The following MSH3 variants were observed in gnomAD, a reference collection of about 807,000 sequenced individuals.
MSH3 encodes DNA mismatch repair protein Msh3.
MSH3 carries 106 observed loss-of-function variants against 123.3 expected under a neutral mutation model. The observed-to-expected ratio is 0.86, with a 90% CI of 0.73 to 1.01. The LOEUF (loss-of-function observed/expected upper bound fraction) is 1.01, where lower values mean the gene tolerates loss of function less well. Ranked by LOEUF, MSH3 falls within the 50% of genes least tolerant of loss-of-function variation. The probability of loss-of-function intolerance (pLI) is 0.00; values close to 1 mark genes in which losing one functional copy is unlikely to be tolerated. For missense variants in MSH3, 1,459 were observed against 1,347.6 expected (o/e 1.08, Z -1.29); for synonymous variants, 515 against 481.4 (o/e 1.07, Z -0.91).
chr5:80,725,875 G>T lies in MSH3; in HGVS notation c.1453+310G>T, dbSNP rs148548133. 2.0e-3 allele frequency among the ~76,000 whole-genome samples: 305 copies of T among 152,252 alleles called. 2 individuals carry two copies. The highest frequency in any genetic ancestry group is 7.0e-3 in the African/African-American group (289 of 41,562). On this transcript the variant is annotated intron_variant, in intron 9 of 23. Coordinates refer to ENST00000265081, the MANE Select transcript of MSH3 (RefSeq NM_002439.5). Reference sequence around the variant, plus strand: ...TTAAAAAACAAAAAGAACCATTGCAGCCTCTTTTGAAATTATGACCAGCTA... The same window carrying T: ...TTAAAAAACAAAAAGAACCATTGCATCCTCTTTTGAAATTATGACCAGCTA...
intron 8 of MSH3, among the ~76,000 whole-genome samples, chr5:80,689,866 G>A (rs1222846985): frequency 6.6e-6 from 1 of 152,038 alleles, no homozygotes; most frequent in Non-Finnish European, 1.5e-5. Context: ...GTAATATGCT[G>A]TGTAAAGGCT....
Position 80,741,479 on chromosome 5 carries a change from A to G in MSH3, c.1584A>G (p.Leu528=), listed in dbSNP as rs1262725129. Reference sequence around the variant, plus strand: ...TCTTTTACAGGAATTTTAAACAGCTATCAAGTAAAATGGAATTTATGACAA... The same window carrying G: ...TCTTTTACAGGAATTTTAAACAGCTGTCAAGTAAAATGGAATTTATGACAA... ...MLSKPENFKQ[L]SSKMEFMTIN... The change falls in exon 11 of 24, where the codon CTA becomes CTG. Residue 528 remains leucine, a synonymous_variant. Transcript: ENST00000265081. The G allele has an allele frequency of 1.9e-6, 3 of 1,590,964 alleles. No homozygotes were observed. Among genetic ancestry groups the G allele is most frequent in the Admixed American group, 3.3e-5 (2 of 60,002 alleles).
At chr5:80,853,351 T>C (rs1225589736) in intron 20 of MSH3, among the ~76,000 whole-genome samples, 3 of 152,050 alleles carry the variant, frequency 2.0e-5, no homozygotes, top group African/African-American at 7.2e-5. Flanking sequence ...GGCATGCACC[T>C]GTAGTCCCAG....
intron 18 of MSH3, among the ~76,000 whole-genome samples, chr5:80,791,708 TG>T (rs1216394720): frequency 1.3e-5 from 2 of 152,238 alleles, no homozygotes; most frequent in African/African-American, 4.8e-5. Context: ...ATCTATTTTT[TG>T]TGTGTGTACT....
intron 22 of MSH3, among the ~76,000 whole-genome samples, chr5:80,868,751 G>A (rs992911200): frequency 1.3e-5 from 2 of 150,538 alleles, no homozygotes; most frequent in African/African-American, 4.9e-5. Flanking sequence ...ACCTGCACAT[G>A]TACCCCTGAA....
At chr5:80,799,532 T>TTTTTTAA (rs60135681) in intron 19 of MSH3, among the ~76,000 whole-genome samples, 1 of 112,150 alleles carries the variant, frequency 8.9e-6, no homozygotes, top group Non-Finnish European at 1.9e-5. Context: ...TTTTTTTTTT[T>TTTTTTAA]ACAGAAAATT....
chr5:80,725,874 A>C (rs1185480672), intron 9 of MSH3, among the ~76,000 whole-genome samples: 2 of 152,210 alleles, frequency 1.3e-5, no homozygotes, highest in African/African-American at 4.8e-5. Flanking sequence ...GAACCATTGC[A>C]GCCTCTTTTG....
In MSH3 at chr5:80,725,569, A is replaced by G; in HGVS notation, c.1453+4A>G. The stretch of plus-strand genomic sequence containing the variant: ...AAAGATACAGTTGACATCAAAGGTA[A>G]ATATTTTCCCTGTATGTCCTCAAGT... On this transcript the variant is annotated splice_donor_region_variant and intron_variant, in intron 9 of 23. Coordinates refer to ENST00000265081, the MANE Select transcript of MSH3 (RefSeq NM_002439.5). 6.3e-7 allele frequency: 1 copy of G among 1,598,916 alleles called. No homozygotes were observed. Among genetic ancestry groups the G allele is most frequent in the Non-Finnish European group, 8.6e-7 (1 of 1,166,220 alleles).
chr5:80,721,703 T>C (rs1327039441), intron 8 of MSH3, among the ~76,000 whole-genome samples: 1 of 152,176 alleles, frequency 6.6e-6, no homozygotes, highest in African/African-American at 2.4e-5. Context: ...AAAGTCTCTT[T>C]TTATGGCAGG....
At chr5:80,838,471 G>A (rs1328631428) in intron 20 of MSH3, among the ~76,000 whole-genome samples, 5 of 152,222 alleles carry the variant, frequency 3.3e-5, no homozygotes, top group African/African-American at 1.2e-4. Context: ...ACACTTCAGT[G>A]AGTGCCCAAG....
intron 20 of MSH3, among the ~76,000 whole-genome samples, chr5:80,825,910 T>C (rs1484402822): frequency 2.6e-5 from 4 of 152,202 alleles, no homozygotes; most frequent in Non-Finnish European, 4.4e-5. Flanking sequence ...TTTGAAGCAA[T>C]TTATTGGCCT....
intron 8 of MSH3, among the ~76,000 whole-genome samples, chr5:80,685,201 CTTTTTTTTT>C (rs70991171): frequency 9.3e-6 from 1 of 107,652 alleles, no homozygotes; most frequent in Non-Finnish European, 1.9e-5. Context: ...AAGTATTCTC[CTTTTTTTTT>C]TTTTTTTTTT....
intron 17 of MSH3, 47 bp downstream of exon 17, chr5:80,778,883 A>G: frequency 9.3e-7 from 1 of 1,074,922 alleles, no homozygotes; most frequent in East Asian, 2.4e-5. Flanking sequence ...GCTATCAGAA[A>G]CAGACTGGAA....
intron 20 of MSH3, among the ~76,000 whole-genome samples, chr5:80,845,928 C>A (rs1034169761): frequency 5.3e-5 from 8 of 152,134 alleles, no homozygotes; most frequent in African/African-American, 1.9e-4. Context: ...TCATTCTCTG[C>A]CCAGTTTTGT....
intron 19 of MSH3, among the ~76,000 whole-genome samples, chr5:80,809,062 G>A (rs925827745): frequency 2.6e-5 from 4 of 151,098 alleles, no homozygotes; most frequent in African/African-American, 9.7e-5. Context: ...TAGGGCATTG[G>A]GACTTCATGT....
chr5:80,832,627 A>T (rs998612085), intron 20 of MSH3, among the ~76,000 whole-genome samples: 1 of 152,036 alleles, frequency 6.6e-6, no homozygotes, highest in Non-Finnish European at 1.5e-5. Context: ...AAAAAAAAAA[A>T]AAAATTCTGT....
chr5:80,656,187 A>G (rs1314335636), intron 1 of MSH3, among the ~76,000 whole-genome samples: 1 of 152,228 alleles, frequency 6.6e-6, no homozygotes, highest in Non-Finnish European at 1.5e-5. Flanking sequence ...AATTCTAAAC[A>G]CGGCTTGAGT....
At chr5:80,864,778 AATG>A in intron 21 of MSH3, 32 bp from the exon 22 acceptor site, 2 of 364,592 alleles carry the variant, frequency 5.5e-6, no homozygotes, top group Non-Finnish European at 9.0e-6. Context: ...AAAATTTAAA[AATG>A]AAATAACATT....
At chr5:80,712,467 T>C (rs1750879608) in intron 8 of MSH3, among the ~76,000 whole-genome samples, 1 of 152,118 alleles carries the variant, frequency 6.6e-6, no homozygotes, top group Non-Finnish European at 1.5e-5. Context: ...TCTCATACTT[T>C]CTTTTTATTT....
Sources: allele counts gnomAD v4.1 joint callset (sites outside exome capture counted in the v4.1 genomes callset), GRCh38; gene constraint gnomAD v4.1.1; transcripts MANE v1.5; gene names NCBI Gene and HGNC (gene_info 2026-07-23, HGNC 2026-07-21).